WASF2: variants seen among roughly 807,000 people sequenced by gnomAD.
WASF2 encodes the protein WASP family member 2, also known as actin-binding protein WASF2.
Under a neutral mutation model 45.0 loss-of-function variants are expected in WASF2, and 14 were observed. That is an observed-to-expected ratio of 0.31 (90% CI 0.21 to 0.49). The LOEUF is 0.49. Among genes scored for constraint, WASF2 ranks in the 20% least tolerant of loss-of-function variants. The pLI is 0.99. For synonymous variants in WASF2, 200 were observed against 236.3 expected (o/e 0.85, Z 1.41); for missense variants, 439 against 636.1 (o/e 0.69, Z 3.33).
chr1:27,446,713 G>A (rs2017314115), intron 1 of WASF2, among the ~76,000 whole-genome samples: 1 of 151,164 alleles, frequency 6.6e-6, no homozygotes, highest in African/African-American at 2.4e-5. Context: ...CCTGGGAGGT[G>A]GAGATTGCAG....
At chr1:27,445,815 G>A (rs1234273167) in intron 1 of WASF2, among the ~76,000 whole-genome samples, 1 of 149,808 alleles carries the variant, frequency 6.7e-6, no homozygotes, top group African/African-American at 2.4e-5. Context: ...TCTCTGTTTA[G>A]CTCATCAAAT....
chr1:27,432,232 T>G (rs755351361), intron 1 of WASF2, among the ~76,000 whole-genome samples: 12 of 152,026 alleles, frequency 7.9e-5, no homozygotes, highest in Admixed American at 1.3e-4. Context: ...CTTTATGGAG[T>G]CGACACATTC....
intron 6 of WASF2, among the ~76,000 whole-genome samples, chr1:27,413,478 G>T (rs1557596306): frequency 2.0e-5 from 3 of 152,114 alleles, no homozygotes; most frequent in South Asian, 2.1e-4. Context: ...GGGGTCTAAA[G>T]AACTCATCTA....
chr1:27,475,792 TA>T (rs1452441698), intron 1 of WASF2, among the ~76,000 whole-genome samples: 1 of 152,170 alleles, frequency 6.6e-6, no homozygotes, highest in Non-Finnish European at 1.5e-5. Context: ...CACACCCAGC[TA>T]ATTTTTGTAT....
intron 1 of WASF2, among the ~76,000 whole-genome samples, chr1:27,467,447 C>T (rs1289756314): frequency 6.7e-6 from 1 of 149,656 alleles, no homozygotes; most frequent in African/African-American, 2.4e-5. Context: ...ACTACAGGCA[C>T]CTGCCACCAC....
At chr1:27,457,916 C>T (rs1163886243) in intron 1 of WASF2, among the ~76,000 whole-genome samples, 4 of 152,094 alleles carry the variant, frequency 2.6e-5, no homozygotes, top group African/African-American at 9.7e-5. Flanking sequence ...AGCCACCACA[C>T]CCAGCCTAAT....
chr1:27,434,315 A>C (rs927705845), intron 1 of WASF2, among the ~76,000 whole-genome samples: 3 of 152,160 alleles, frequency 2.0e-5, no homozygotes, highest in African/African-American at 7.2e-5. Flanking sequence ...AGATGTTATA[A>C]TTTTTATTCT....
At chr1:27,449,344 T>TC (rs1302746537) in intron 1 of WASF2, among the ~76,000 whole-genome samples, 1 of 152,158 alleles carries the variant, frequency 6.6e-6, no homozygotes, top group Non-Finnish European at 1.5e-5. Flanking sequence ...ACGCCTATAA[T>TC]CCCAGCACTT....
At chr1:27,488,644 AGACTGAATAAAGGGGCTG>A (rs1250370695) in intron 1 of WASF2, among the ~76,000 whole-genome samples, 3 of 152,230 alleles carry the variant, frequency 2.0e-5, no homozygotes, top group Non-Finnish European at 4.4e-5. Flanking sequence ...TCCAACTTAC[AGACTGAATAAAGGGGCTG>A]GACTTATAAT....
intron 1 of WASF2, among the ~76,000 whole-genome samples, chr1:27,485,035 A>G (rs1253724074): frequency 1.3e-5 from 2 of 152,014 alleles, no homozygotes; most frequent in Non-Finnish European, 2.9e-5. Context: ...CTGTAATCCC[A>G]GCTACTCAGG....
chr1:27,435,668 G>T (rs2148115689), intron 1 of WASF2, among the ~76,000 whole-genome samples: 1 of 151,232 alleles, frequency 6.6e-6, no homozygotes, highest in Middle Eastern at 3.4e-3. Flanking sequence ...CTGGGGGTTG[G>T]AGGGTAGAAG....
At chr1:27,435,272 C>T (rs1385939760) in intron 1 of WASF2, among the ~76,000 whole-genome samples, 1 of 132,446 alleles carries the variant, frequency 7.6e-6, no homozygotes, top group African/African-American at 2.9e-5. Context: ...TATATATCAC[C>T]TTTGGTCAGT....
At chr1:27,477,126 T>G (rs920459640) in intron 1 of WASF2, among the ~76,000 whole-genome samples, 1 of 152,130 alleles carries the variant, frequency 6.6e-6, no homozygotes, top group Non-Finnish European at 1.5e-5. Flanking sequence ...GTACCTAGAA[T>G]AGAATGTGTA....
intron 1 of WASF2, among the ~76,000 whole-genome samples, chr1:27,478,599 T>A (rs1442910554): frequency 6.6e-6 from 1 of 152,202 alleles, no homozygotes; most frequent in South Asian, 2.1e-4. Context: ...TTCCTTTTTT[T>A]GAGATGGAGT....
At chr1:27,476,845 T>C (rs1258474163) in intron 1 of WASF2, among the ~76,000 whole-genome samples, 2 of 152,170 alleles carry the variant, frequency 1.3e-5, no homozygotes, top group African/African-American at 4.8e-5. Context: ...AGAAGTACAA[T>C]GGTGCAAGGC....
chr1:27,415,413 C>T (rs1247769820), intron 5 of WASF2, among the ~76,000 whole-genome samples: 4 of 152,230 alleles, frequency 2.6e-5, no homozygotes, highest in African/African-American at 9.6e-5. Context: ...GCCTGTGCAG[C>T]TGCTCTTGCC....
intron 2 of WASF2, among the ~76,000 whole-genome samples, chr1:27,419,421 C>T (rs1284191048): frequency 6.6e-6 from 1 of 152,156 alleles, no homozygotes; most frequent in African/African-American, 2.4e-5. Context: ...ACATTTCCAG[C>T]CTGGGCAACA....
At chr1:27,489,624 C>G (rs1361610990) in intron 1 of WASF2, among the ~76,000 whole-genome samples, 2 of 152,238 alleles carry the variant, frequency 1.3e-5, no homozygotes, top group Non-Finnish European at 2.9e-5. Flanking sequence ...CCTGTACATA[C>G]ATCTGCCGAC....
At chr1:27,432,242 C>A (rs939941009) in intron 1 of WASF2, among the ~76,000 whole-genome samples, 2 of 152,142 alleles carry the variant, frequency 1.3e-5, no homozygotes, top group African/African-American at 4.8e-5. Flanking sequence ...TCGACACATT[C>A]TTAGGTTAGC....
Sources: allele counts gnomAD v4.1 joint callset (sites outside exome capture counted in the v4.1 genomes callset), GRCh38; gene constraint gnomAD v4.1.1; transcripts MANE v1.5; gene names NCBI Gene and HGNC (gene_info 2026-07-23, HGNC 2026-07-21).